The following TIAM1 variants were observed in gnomAD, a reference collection of about 807,000 sequenced individuals.
TIAM1 encodes the protein TIAM Rac1 associated GEF 1.
A neutral mutation model predicts 163.5 loss-of-function variants in TIAM1; 65 were observed. The observed-to-expected ratio is 0.40, with a 90% CI of 0.33 to 0.49. The LOEUF is 0.49. Among genes scored for constraint, TIAM1 ranks in the 20% least tolerant of loss-of-function variants. The probability of loss-of-function intolerance (pLI) is 0.77; values close to 1 mark genes in which losing one functional copy is unlikely to be tolerated. For missense variants in TIAM1, 1,789 were observed against 2,044.7 expected (o/e 0.87, Z 2.41); for synonymous variants, 833 against 810.1 (o/e 1.03, Z -0.48).
At chr21:31,473,526 G>GT (rs10707169) in intron 1 of TIAM1, among the ~76,000 whole-genome samples, 19 of 143,622 alleles carry the variant, frequency 1.3e-4, no homozygotes, top group Middle Eastern at 3.6e-3. Context: ...GGTTAATTTT[G>GT]TTTTTTTTTG....
At chr21:31,307,455 AATAGG>A (rs1436908218) in intron 2 of TIAM1, among the ~76,000 whole-genome samples, 1 of 152,112 alleles carries the variant, frequency 6.6e-6, no homozygotes, top group East Asian at 1.9e-4. Flanking sequence ...TAAGGAACCA[AATAGG>A]AATCCTTGTC....
chr21:31,203,130 T>C (rs913912185), intron 11 of TIAM1, 118 bp from the exon 12 acceptor site: 3 of 888,946 alleles, frequency 3.4e-6, no homozygotes, highest in South Asian at 3.3e-5. Flanking sequence ...GTTGTTGTTG[T>C]TGTTGTTTTG....
chr21:31,512,134 T>G (rs1203836809), intron 1 of TIAM1, among the ~76,000 whole-genome samples: 5 of 152,242 alleles, frequency 3.3e-5, no homozygotes, highest in Non-Finnish European at 1.5e-5. Flanking sequence ...TCTCACTCTG[T>G]TGCCCAGGCT....
At chr21:31,324,066 T>C (rs1601962872) in intron 2 of TIAM1, among the ~76,000 whole-genome samples, 1 of 149,978 alleles carries the variant, frequency 6.7e-6, no homozygotes, top group Non-Finnish European at 1.5e-5. Flanking sequence ...GAAGAATTGG[T>C]GGAGCACAGA....
At chr21:31,392,425 C>G (rs1247823099) in intron 2 of TIAM1, among the ~76,000 whole-genome samples, 2 of 151,868 alleles carry the variant, frequency 1.3e-5, no homozygotes, top group Admixed American at 6.6e-5. Context: ...TCAAAATTAG[C>G]CGGGCATGGT....
At chr21:31,300,861 T>C (rs2074470095) in intron 2 of TIAM1, among the ~76,000 whole-genome samples, 1 of 152,224 alleles carries the variant, frequency 6.6e-6, no homozygotes, top group Non-Finnish European at 1.5e-5. Context: ...AAAATGCTAA[T>C]TCTATAATAC....
intron 1 of TIAM1, among the ~76,000 whole-genome samples, chr21:31,339,655 T>C (rs193051533): frequency 6.6e-6 from 1 of 152,318 alleles, no homozygotes; most frequent in Non-Finnish European, 1.5e-5. Context: ...ACCTTGACTG[T>C]AGAGATTCTT....
rs193130913 is a variant in TIAM1 at position 31,230,303 on chromosome 21, G to T, written c.1585-4353C>A. ...TAAATAAAAATATTTATCCAGAAGG[G>T]ACTCAGATGACCATTTTTCACAGAT... is the stretch of plus-strand genomic sequence containing the variant. On this transcript the variant is annotated intron_variant, in intron 6 of 27. Coordinates refer to ENST00000541036, the MANE Select transcript of TIAM1 (RefSeq NM_001353694.2). Among the ~76,000 whole-genome samples the T allele has an allele frequency of 3.3e-5, 5 of 151,934 alleles. No homozygotes were observed. In the East Asian group the frequency reaches 9.7e-4, roughly 29 times the overall value.
chr21:31,222,734 T>TTTG (rs2087687765), intron 8 of TIAM1, among the ~76,000 whole-genome samples: 3 of 116,088 alleles, frequency 2.6e-5, no homozygotes, highest in Non-Finnish European at 3.6e-5. Flanking sequence ...TTTTTTTTTT[T>TTTG]TGAGACAGAG....
chr21:31,341,899 C>T (rs1466193888), intron 1 of TIAM1, among the ~76,000 whole-genome samples: 1 of 151,964 alleles, frequency 6.6e-6, no homozygotes, highest in African/African-American at 2.4e-5. Context: ...CATCAAAAAT[C>T]GAAGTTGGTT....
chr21:31,120,838 C>T lies in TIAM1; in HGVS notation c.4307-1G>A. 1 of 1,595,252 alleles carries T rather than the reference C, an allele frequency of 6.3e-7. No individual in the cohort carries two copies. The highest frequency in any genetic ancestry group is 2.2e-5 in the East Asian group (1 of 44,562). Reference sequence around the variant, plus strand: ...CCAAGAGACTTGCTTGGGGCAGACACTGCACACACACACAAAAATATAAAA... The same window carrying T: ...CCAAGAGACTTGCTTGGGGCAGACATTGCACACACACACAAAAATATAAAA... On this transcript the variant is annotated splice_acceptor_variant, in intron 27 of 27. Transcript: ENST00000541036. LOFTEE classifies it high-confidence loss of function. This position sits in a 1 kb window ranked among gnomAD's most constrained non-coding sequence, Gnocchi z 4.2.
intron 4 of TIAM1, among the ~76,000 whole-genome samples, chr21:31,262,349 A>G (rs2072525675): frequency 6.6e-6 from 1 of 152,184 alleles, no homozygotes; most frequent in Admixed American, 6.5e-5. Flanking sequence ...TCTGTAACCA[A>G]AGAAATTCAT....
chr21:31,549,674 A>G (rs11088177), intron 1 of TIAM1, among the ~76,000 whole-genome samples: 67,404 of 152,058 alleles, frequency 0.44, 16,131 homozygotes, highest in African/African-American at 0.63. Flanking sequence ...ACAAGTGTTG[A>G]CAAAGATGTG....
intron 1 of TIAM1, among the ~76,000 whole-genome samples, chr21:31,511,592 T>C (rs961341051): frequency 2.6e-5 from 4 of 152,122 alleles, no homozygotes; most frequent in African/African-American, 9.7e-5. Context: ...TGGCACCGAG[T>C]CCAAGCTATG....
At chr21:31,210,753 A>AG (rs2086818199) in intron 10 of TIAM1, among the ~76,000 whole-genome samples, 1 of 73,302 alleles carries the variant, frequency 1.4e-5, no homozygotes, top group African/African-American at 5.5e-5. Flanking sequence ...GAAGGGAGAA[A>AG]GAAAGAAAGA....
rs1376387344 is a variant in TIAM1 at position 31,556,865 on chromosome 21, T to A, written c.-422+2062A>T. Among the ~76,000 whole-genome samples the A allele has an allele frequency of 4.6e-5, 7 of 152,316 alleles. No individual in the cohort carries two copies. The East Asian group carries it at 1.4e-3, about 29-fold the overall frequency. ...GCATCCACCCTCCCTAGCCCAGCTT[T>A]TTACCTTGAGATACAAAAAAGCATA... On this transcript the variant is annotated intron_variant, in intron 1 of 28. Coordinates refer to the TIAM1 transcript ENST00000286827.
intron 2 of TIAM1, among the ~76,000 whole-genome samples, chr21:31,277,755 C>A (rs997636994): frequency 8.5e-5 from 13 of 152,154 alleles, no homozygotes; most frequent in Middle Eastern, 3.2e-3. Flanking sequence ...AATAAACTTG[C>A]TTTCACTTTA....
intron 1 of TIAM1, among the ~76,000 whole-genome samples, chr21:31,519,508 CAAAAAAA>C (rs538283897): frequency 2.0e-3 from 166 of 82,720 alleles, no homozygotes; most frequent in African/African-American, 3.2e-3. Flanking sequence ...GATTCTGTCT[CAAAAAAA>C]AAAAAAAAAA....
chr21:31,278,610 A>G (rs1210606301), intron 2 of TIAM1, among the ~76,000 whole-genome samples: 3 of 152,238 alleles, frequency 2.0e-5, no homozygotes, highest in African/African-American at 7.2e-5. Flanking sequence ...ACATACAGGC[A>G]GTAAATAAAT....
Sources: allele counts gnomAD v4.1 joint callset (sites outside exome capture counted in the v4.1 genomes callset), GRCh38; gene constraint gnomAD v4.1.1; non-coding constraint Gnocchi (gnomAD v3.1); transcripts MANE v1.5; gene names NCBI Gene and HGNC (gene_info 2026-07-23, HGNC 2026-07-21).